The following AFAP1 variants were observed in gnomAD, a reference collection of about 807,000 sequenced individuals.
The protein encoded by AFAP1 is actin filament associated protein 1.
Under a neutral mutation model 93.9 loss-of-function variants are expected in AFAP1, and 75 were observed. The ratio of observed to expected loss-of-function variants is 0.80; its 90% CI spans 0.66 to 0.97. The LOEUF is 0.97. Among genes scored for constraint, AFAP1 ranks in the 50% least tolerant of loss-of-function variants. The probability of loss-of-function intolerance (pLI) is 0.00; values close to 1 mark genes in which losing one functional copy is unlikely to be tolerated. For synonymous variants in AFAP1, 517 were observed against 430.7 expected (o/e 1.20, Z -2.48); for missense variants, 1,201 against 1,050.8 (o/e 1.14, Z -1.98).
At chr4:7,912,246 A>G (rs1441678746) in intron 1 of AFAP1, among the ~76,000 whole-genome samples, 3 of 152,186 alleles carry the variant, frequency 2.0e-5, no homozygotes, top group Middle Eastern at 3.2e-3. Flanking sequence ...TTTTATAAAT[A>G]ATGCTGCTAT....
intron 6 of AFAP1, among the ~76,000 whole-genome samples, chr4:7,822,774 T>C (rs973698698): frequency 6.6e-6 from 1 of 150,644 alleles, no homozygotes; most frequent in Non-Finnish European, 1.5e-5. Flanking sequence ...TTTGTATTTT[T>C]AGTAGAGACG....
intron 11 of AFAP1, among the ~76,000 whole-genome samples, chr4:7,786,991 C>T (rs182465870): frequency 2.0e-5 from 3 of 152,364 alleles, no homozygotes; most frequent in South Asian, 2.1e-4. Context: ...TTCTGAGAGC[C>T]GCTGACAGCG....
At chr4:7,905,735 G>A (rs1373391951) in intron 1 of AFAP1, among the ~76,000 whole-genome samples, 1 of 152,176 alleles carries the variant, frequency 6.6e-6, no homozygotes, top group Non-Finnish European at 1.5e-5. Flanking sequence ...GCAGCACAGT[G>A]ACACCCTCCT....
intron 6 of AFAP1, among the ~76,000 whole-genome samples, chr4:7,828,162 G>C (rs893653653): frequency 6.6e-6 from 1 of 152,130 alleles, no homozygotes; most frequent in African/African-American, 2.4e-5. Flanking sequence ...AAGCCACTAT[G>C]GTACCTGCAC....
In AFAP1 at chr4:7,885,490, A is replaced by G. The variant is rs370771969; in HGVS notation, c.-2-13410T>C. 3.9e-5 allele frequency among the ~76,000 whole-genome samples: 6 copies of G among 152,312 alleles called. No individual in the cohort carries two copies. The East Asian group carries it at 7.7e-4, about 20-fold the overall frequency. On this transcript the variant is annotated intron_variant, in intron 1 of 17. Transcript: ENST00000420658. ...CGACCATCACCGCCTCTCTCCCGCTATGCTGTAATAACAGGCTAATTTGTC... is the reference window on the plus strand; with the variant it reads ...CGACCATCACCGCCTCTCTCCCGCTGTGCTGTAATAACAGGCTAATTTGTC...
intron 6 of AFAP1, among the ~76,000 whole-genome samples, chr4:7,822,004 C>G (rs963885425): frequency 6.6e-6 from 1 of 152,222 alleles, no homozygotes; most frequent in Non-Finnish European, 1.5e-5. Flanking sequence ...ATGCAGTGAT[C>G]TGTGTGTCTG....
chr4:7,897,766 C>T (rs776936588), intron 1 of AFAP1, among the ~76,000 whole-genome samples: 6 of 152,030 alleles, frequency 3.9e-5, no homozygotes, highest in African/African-American at 4.8e-5. Flanking sequence ...TCAGGTGATC[C>T]GCCTGCCTCG....
intron 12 of AFAP1, among the ~76,000 whole-genome samples, chr4:7,782,418 C>CA (rs1376254230): frequency 6.6e-6 from 1 of 152,254 alleles, no homozygotes; most frequent in Non-Finnish European, 1.5e-5. Flanking sequence ...ACAACCAACA[C>CA]AAGCAAAACC....
In AFAP1 at chr4:7,781,539, A is replaced by C; in HGVS notation, c.1619T>G (p.Leu540Trp). The change falls in exon 13 of 18, where the codon TTG becomes TGG. Residue 540 changes from leucine to tryptophan, a missense_variant. Transcript: ENST00000420658. ...GCGGGCAAAGATGTGCGGAGGCGGC[A>C]AGTTATCGTACAGGCCTGCGTTATC... ...LYDNAGLYDN[L>W]PPPHIFARYS... The C allele has an allele frequency of 6.4e-7, 1 of 1,552,120 alleles. No homozygotes were observed. The highest frequency in any genetic ancestry group is 1.2e-5 in the South Asian group (1 of 84,050).
rs1560213677 is a variant in AFAP1 at position 7,872,949 on chromosome 4, A to ATTTTTTTT, written c.-2-870_-2-869insAAAAAAAA. ...TCCTTTTTTTTTTTTTAAAAAAAAA[A>ATTTTTTTT]AAAAAAAAAAACTACTTGGGCTGGG... On this transcript the variant is annotated intron_variant, in intron 1 of 17. Coordinates refer to ENST00000420658, the MANE Select transcript of AFAP1 (RefSeq NM_001134647.2). Among the ~76,000 whole-genome samples, 640 of 149,548 alleles carry ATTTTTTTT rather than the reference A, an allele frequency of 4.3e-3. 4 individuals are homozygous for ATTTTTTTT. The highest frequency in any genetic ancestry group is 0.014 in the African/African-American group (565 of 40,750).
At chr4:7,883,229 A>T (rs538763271) in intron 1 of AFAP1, among the ~76,000 whole-genome samples, 43 of 151,858 alleles carry the variant, frequency 2.8e-4, no homozygotes, top group African/African-American at 9.9e-4. Flanking sequence ...GGAAAGACAG[A>T]AAGAAAATCT....
At chr4:7,829,628 T>A (rs1721718029) in intron 6 of AFAP1, among the ~76,000 whole-genome samples, 2 of 152,214 alleles carry the variant, frequency 1.3e-5, no homozygotes, top group South Asian at 4.1e-4. Flanking sequence ...CTCAGTGTCA[T>A]TCACAATAAG....
intron 1 of AFAP1, among the ~76,000 whole-genome samples, chr4:7,905,841 G>A (rs1719364762): frequency 6.6e-6 from 1 of 152,168 alleles, no homozygotes; most frequent in African/African-American, 2.4e-5. Context: ...CTAGAACAAC[G>A]ATGCTGAGTC....
At chr4:7,799,418 G>A (rs771607340) in intron 10 of AFAP1, among the ~76,000 whole-genome samples, 7 of 152,118 alleles carry the variant, frequency 4.6e-5, no homozygotes, top group Admixed American at 6.5e-5. Flanking sequence ...CTGCCTGACT[G>A]GGCAGCCGTG....
chr4:7,858,952 G>A (rs1232302425), intron 3 of AFAP1, among the ~76,000 whole-genome samples: 1 of 152,194 alleles, frequency 6.6e-6, no homozygotes, highest in Non-Finnish European at 1.5e-5. Flanking sequence ...GAATCTCTGG[G>A]CAGAGCAAGT....
chr4:7,854,336 C>T (rs1208271158), intron 4 of AFAP1, among the ~76,000 whole-genome samples: 2 of 152,224 alleles, frequency 1.3e-5, no homozygotes, highest in Non-Finnish European at 2.9e-5. Flanking sequence ...TGTGCCCCGA[C>T]TGCTCCAGAA....
chr4:7,931,298 G>C (rs954636286), intron 1 of AFAP1, among the ~76,000 whole-genome samples: 1 of 152,220 alleles, frequency 6.6e-6, no homozygotes. Flanking sequence ...TCTTAGAACT[G>C]TATGCCTGTA....
At chr4:7,817,548 G>A (rs982162047) in intron 7 of AFAP1, among the ~76,000 whole-genome samples, 2 of 152,108 alleles carry the variant, frequency 1.3e-5, no homozygotes, top group Admixed American at 1.3e-4. Flanking sequence ...CCAAGATGGT[G>A]CCATTGCACT....
chr4:7,815,751 T>C (rs1049950820), intron 8 of AFAP1, among the ~76,000 whole-genome samples: 4 of 152,118 alleles, frequency 2.6e-5, no homozygotes, highest in Admixed American at 2.6e-4. Flanking sequence ...AGTCATAAGT[T>C]CAAAACATAT....
Sources: allele counts gnomAD v4.1 joint callset (sites outside exome capture counted in the v4.1 genomes callset), GRCh38; gene constraint gnomAD v4.1.1; transcripts MANE v1.5; gene names NCBI Gene and HGNC (gene_info 2026-07-23, HGNC 2026-07-21).